CCDC83: variants seen among roughly 807,000 people sequenced by gnomAD.
CCDC83 encodes the protein coiled-coil domain containing 83.
Under a neutral mutation model 50.1 loss-of-function variants are expected in CCDC83, and 54 were observed. That is an observed-to-expected ratio of 1.08 (90% CI 0.87 to 1.35). The LOEUF (loss-of-function observed/expected upper bound fraction) is 1.35. Among genes scored for constraint, CCDC83 ranks in the 40% most tolerant of loss-of-function variants. CCDC83 has a pLI of 0.00. For synonymous variants in CCDC83, 161 were observed against 153.3 expected (o/e 1.05, Z -0.37); for missense variants, 518 against 473.9 (o/e 1.09, Z -0.86).
intron 6 of CCDC83, among the ~76,000 whole-genome samples, chr11:85,896,027 G>A (rs544971814): frequency 1.0e-3 from 152 of 152,172 alleles, no homozygotes; most frequent in Middle Eastern, 3.4e-3. Flanking sequence ...AGAAATATAC[G>A]TTGAGTATCC....
At chr11:85,900,995 G>C (rs1030601583) in intron 7 of CCDC83, among the ~76,000 whole-genome samples, 2 of 151,862 alleles carry the variant, frequency 1.3e-5, no homozygotes, top group African/African-American at 4.8e-5. Flanking sequence ...AGCCCGGGAG[G>C]CAGAGGTTGC....
intron 2 of CCDC83, among the ~76,000 whole-genome samples, chr11:85,871,514 A>G (rs1027863470): frequency 3.9e-5 from 6 of 152,104 alleles, no homozygotes; most frequent in Non-Finnish European, 8.8e-5. Context: ...TGAGTATACA[A>G]TGTCACAAAT....
chr11:85,873,864 A>G (rs1013704259), intron 3 of CCDC83, among the ~76,000 whole-genome samples: 14 of 152,256 alleles, frequency 9.2e-5, no homozygotes, highest in African/African-American at 3.4e-4. Context: ...AACACAATTT[A>G]TCCCTCAAGG....
At chr11:85,893,767 A>T (rs959737382) in intron 5 of CCDC83, among the ~76,000 whole-genome samples, 1 of 152,198 alleles carries the variant, frequency 6.6e-6, no homozygotes, top group Non-Finnish European at 1.5e-5. Flanking sequence ...CATGCTCCTT[A>T]TAAGAATCTA....
chr11:85,909,687 A>G (rs1430821912), intron 7 of CCDC83, among the ~76,000 whole-genome samples: 1 of 119,226 alleles, frequency 8.4e-6, no homozygotes, highest in Non-Finnish European at 1.6e-5. Flanking sequence ...CAGTGGCGTG[A>G]TCTCAGCTCA....
Position 85,885,169 on chromosome 11 carries a change from G to A in CCDC83, c.344-1031G>A, listed in dbSNP as rs528329211. Reference sequence around the variant, plus strand: ...GTGGAGGTTGCAGTGAGCCGAGATCGCGCCACTGCTCTCCAGTCTGAGTGA... The same window carrying A: ...GTGGAGGTTGCAGTGAGCCGAGATCACGCCACTGCTCTCCAGTCTGAGTGA... On this transcript the variant is annotated intron_variant, in intron 4 of 10. Coordinates refer to ENST00000342404, the MANE Select transcript of CCDC83 (RefSeq NM_001286159.2). Among the ~76,000 whole-genome samples, 13 of 151,894 alleles carry A rather than the reference G, an allele frequency of 8.6e-5. No individual in the cohort carries two copies. In the South Asian group the frequency reaches 1.5e-3, roughly 17 times the overall value.
At chr11:85,883,963 A>G (rs1367911757) in intron 4 of CCDC83, among the ~76,000 whole-genome samples, 1 of 152,190 alleles carries the variant, frequency 6.6e-6, no homozygotes, top group African/African-American at 2.4e-5. Flanking sequence ...GGTAGATAGT[A>G]TATTTTGCAT....
chr11:85,857,811 A>G (rs114403019), intron 1 of CCDC83, among the ~76,000 whole-genome samples: 69 of 152,248 alleles, frequency 4.5e-4, no homozygotes, highest in African/African-American at 1.7e-3. Flanking sequence ...CATCATCAAG[A>G]TCGACCCCAT....
chr11:85,904,077 A>G lies in CCDC83; in HGVS notation c.672+5062A>G, dbSNP rs111658676. Among the ~76,000 whole-genome samples the G allele has an allele frequency of 7.0e-4, 107 of 152,284 alleles. 1 individual carries two copies. Among genetic ancestry groups the G allele is most frequent in the African/African-American group, 2.5e-3 (102 of 41,578 alleles). Reference sequence around the variant, plus strand: ...AAACCTGGTCTTGTCAATCTTCTGCATAAAACCATTCAATTAATGACTCTC... The same window carrying G: ...AAACCTGGTCTTGTCAATCTTCTGCGTAAAACCATTCAATTAATGACTCTC... On this transcript the variant is annotated intron_variant, in intron 7 of 10. Transcript: ENST00000342404.
chr11:85,906,124 G>A (rs917079879), intron 7 of CCDC83, among the ~76,000 whole-genome samples: 1 of 150,698 alleles, frequency 6.6e-6, no homozygotes, highest in African/African-American at 2.4e-5. Context: ...TGAGTGAAAT[G>A]GCACAACCTT....
chr11:85,871,805 A>C (rs1027535692), intron 2 of CCDC83, among the ~76,000 whole-genome samples: 1 of 152,060 alleles, frequency 6.6e-6, no homozygotes, highest in African/African-American at 2.4e-5. Context: ...CAGAGGTACT[A>C]TATTTCTGTT....
intron 1 of CCDC83, among the ~76,000 whole-genome samples, chr11:85,861,340 T>C (rs547008727): frequency 7.9e-5 from 12 of 152,224 alleles, no homozygotes; most frequent in Non-Finnish European, 1.8e-4. Context: ...TTACAGTTTA[T>C]AGCTGAGAAT....
intron 2 of CCDC83, among the ~76,000 whole-genome samples, chr11:85,867,607 T>A (rs1341513713): frequency 6.6e-6 from 1 of 152,238 alleles, no homozygotes; most frequent in Non-Finnish European, 1.5e-5. Context: ...CTGAAAACTT[T>A]GTTCATCTCA....
intron 7 of CCDC83, among the ~76,000 whole-genome samples, chr11:85,903,093 C>T (rs2093409425): frequency 2.0e-5 from 3 of 151,754 alleles, no homozygotes; most frequent in African/African-American, 4.8e-5. Flanking sequence ...ATTAGCTAGA[C>T]GTGGTTGTGG....
At chr11:85,875,880 T>A (rs1294579397) in intron 3 of CCDC83, among the ~76,000 whole-genome samples, 1 of 152,202 alleles carries the variant, frequency 6.6e-6, no homozygotes, top group Admixed American at 6.5e-5. Flanking sequence ...TTGCTCCACC[T>A]ACCTCATTAG....
chr11:85,889,263 G>C (rs2135058694), intron 5 of CCDC83, among the ~76,000 whole-genome samples: 1 of 152,318 alleles, frequency 6.6e-6, no homozygotes, highest in South Asian at 2.1e-4. Context: ...TAGGTGGGAG[G>C]ACGACCTGAG....
rs12805520 is a variant in CCDC83, at chr11:85,919,368, C to T, written c.1100C>T (p.Pro367Leu). The T allele has an allele frequency of 0.12, 191,030 of 1,606,012 alleles. 12,125 individuals are homozygous for T. Among genetic ancestry groups the T allele is most frequent in the Admixed American group, 0.15 (8,703 of 57,226 alleles). The change falls in exon 11 of 11, where the codon CCC becomes CTC. Residue 367 changes from proline (P) to leucine (L), a missense_variant. Transcript: ENST00000342404. Reference sequence around the variant, plus strand: ...CCATAGGATTATGTAAACTTGGGCCCCCTGGGAGTGAAGCTTATGAGTGTG... The same window carrying T: ...CCATAGGATTATGTAAACTTGGGCCTCCTGGGAGTGAAGCTTATGAGTGTG... The part of the protein sequence containing the change: ...KDFKDYVNLG[P>L]LGVKLMSVES...
At chr11:85,887,997 C>T (rs1255503686) in intron 5 of CCDC83, among the ~76,000 whole-genome samples, 1 of 152,028 alleles carries the variant, frequency 6.6e-6, no homozygotes, top group Non-Finnish European at 1.5e-5. Context: ...AGAGGTCTCA[C>T]TGTGTTTCCC....
At chr11:85,873,357 A>G in intron 3 of CCDC83, 62 bp downstream of exon 3, 1 of 615,818 alleles carries the variant, frequency 1.6e-6, no homozygotes, top group Non-Finnish European at 2.8e-6. Flanking sequence ...GCTTTAAAAA[A>G]TTGTGGATTA....
Sources: allele counts gnomAD v4.1 joint callset (sites outside exome capture counted in the v4.1 genomes callset), GRCh38; gene constraint gnomAD v4.1.1; transcripts MANE v1.5; gene names NCBI Gene and HGNC (gene_info 2026-07-23, HGNC 2026-07-21).